WDR64: variants seen among roughly 807,000 people sequenced by gnomAD.
The protein encoded by WDR64 is WD repeat-containing protein 64.
A neutral mutation model predicts 139.3 loss-of-function variants in WDR64; 112 were observed. The observed-to-expected ratio is 0.80, with a 90% CI of 0.69 to 0.94. The LOEUF (loss-of-function observed/expected upper bound fraction) is 0.94. Ranked by LOEUF, WDR64 falls within the 40% of genes least tolerant of loss-of-function variation. The pLI, the probability that WDR64 is intolerant of heterozygous loss-of-function variation, is 0.00. For missense variants in WDR64, 1,206 were observed against 1,293.1 expected (o/e 0.93, Z 1.03); for synonymous variants, 444 against 437.7 (o/e 1.01, Z -0.18).
intron 10 of WDR64, among the ~76,000 whole-genome samples, chr1:241,736,777 A>C (rs1669343526): frequency 6.6e-6 from 1 of 152,232 alleles, no homozygotes; most frequent in African/African-American, 2.4e-5. Context: ...AAACATAATC[A>C]CATCAATTAA....
chr1:241,674,988 CCTTT>C lies in WDR64; in HGVS notation c.483+244_483+247del, dbSNP rs1420560664. Among the ~76,000 whole-genome samples the C allele has an allele frequency of 2.0e-4, 7 of 35,700 alleles. 2 individuals carry two copies. The highest frequency in any genetic ancestry group is 3.2e-4 in the Non-Finnish European group (4 of 12,406). The allele number at this position is 35,700 out of a possible 152,430, so 23.4% of individuals were successfully genotyped here. A position where few individuals can be genotyped will look rare whatever the true frequency, so the allele number is the denominator to read the frequency against. ...CTTCTTTTTCTTTCCTTCTTTCCTC[CCTTT>C]CTCCCTCCCTCTCTTCCTTCCTTTC... On this transcript the variant is annotated intron_variant, in intron 4 of 27. Transcript: ENST00000437684.
chr1:241,713,257 G>A (rs904335541), intron 9 of WDR64, among the ~76,000 whole-genome samples: 11 of 150,274 alleles, frequency 7.3e-5, no homozygotes, highest in African/African-American at 2.7e-4. Flanking sequence ...GCTGCAGTGA[G>A]CCGTGACTGT....
intron 10 of WDR64, among the ~76,000 whole-genome samples, chr1:241,735,005 T>C (rs1669241716): frequency 6.6e-6 from 1 of 152,184 alleles, no homozygotes. Context: ...AGCATCTAAT[T>C]GGAAGGGAGT....
Position 241,703,307 on chromosome 1 carries a change from C to T in WDR64, c.975-8495C>T, listed in dbSNP as rs556111078. Among the ~76,000 whole-genome samples, 7 of 152,170 alleles carry T rather than the reference C, an allele frequency of 4.6e-5. No homozygotes were observed. The East Asian group carries it at 1.2e-3, about 25-fold the overall frequency. On this transcript the variant is annotated intron_variant, in intron 8 of 27. Coordinates refer to ENST00000437684, the MANE Select transcript of WDR64 (RefSeq NM_001367482.1). This position sits in a 1 kb window ranked among gnomAD's most constrained non-coding sequence, Gnocchi z 5.9. ...CAACCCCTATCGTGTAACACATGCC[C>T]CCTGAAAAAAGTCACCCCTTTACCT...
At chr1:241,661,362 T>C (rs1665826104) in intron 2 of WDR64, among the ~76,000 whole-genome samples, 2 of 151,722 alleles carry the variant, frequency 1.3e-5, no homozygotes, top group Admixed American at 6.6e-5. Context: ...TAAATTATGA[T>C]ATAATAAATT....
Position 241,723,330 on chromosome 1 carries a change from AT to A in WDR64, c.1089del (p.Asn363LysfsTer7). On this transcript the variant is annotated frameshift_variant, in exon 10 of 28. Transcript: ENST00000437684. LOFTEE classifies it high-confidence loss of function. Reference sequence around the variant, plus strand: ...AAGGTCATCCGGTTGTGGCACCCCAATATCAGCACCAAGCCAGTAGGGAAAC... The same window carrying A: ...AAGGTCATCCGGTTGTGGCACCCCAAATCAGCACCAAGCCAGTAGGGAAAC... ...DDKVIRLWHP[N>X]ISTKPVGKLV... 1 of 1,613,990 alleles carries A rather than the reference AT, an allele frequency of 6.2e-7. No individual in the cohort carries two copies. The highest frequency in any genetic ancestry group is 1.1e-5 in the South Asian group (1 of 91,050).
At chr1:241,741,159 G>C (rs774098750) in intron 11 of WDR64, among the ~76,000 whole-genome samples, 17 of 152,148 alleles carry the variant, frequency 1.1e-4, no homozygotes, top group Non-Finnish European at 1.9e-4. Context: ...CACCACTATT[G>C]CTGTGCAACA....
intron 10 of WDR64, among the ~76,000 whole-genome samples, chr1:241,725,624 G>C (rs1668794907): frequency 6.6e-6 from 1 of 152,166 alleles, no homozygotes; most frequent in Admixed American, 6.5e-5. Flanking sequence ...CCAGGCTAGA[G>C]AGGAAAATGC....
chr1:241,719,901 C>T (rs748319618), intron 9 of WDR64, among the ~76,000 whole-genome samples: 1 of 152,076 alleles, frequency 6.6e-6, no homozygotes, highest in Non-Finnish European at 1.5e-5. Flanking sequence ...ACAGATCAAC[C>T]TATCACCTGG....
At chr1:241,702,521 G>GA (rs11338254) in intron 8 of WDR64, among the ~76,000 whole-genome samples, 3,816 of 141,976 alleles carry the variant, frequency 0.027, 127 homozygotes, top group African/African-American at 0.084. Flanking sequence ...AAATTTAAAG[G>GA]AAAAAAAAAA....
intron 10 of WDR64, among the ~76,000 whole-genome samples, chr1:241,727,312 T>C: frequency 6.6e-6 from 1 of 152,336 alleles, no homozygotes; most frequent in African/African-American, 2.4e-5. Context: ...AAATAAGATA[T>C]CTTTCTAGCA....
At chr1:241,665,754 T>G (rs1426350427) in intron 2 of WDR64, among the ~76,000 whole-genome samples, 1 of 152,200 alleles carries the variant, frequency 6.6e-6, no homozygotes, top group Non-Finnish European at 1.5e-5. Context: ...CTACTTTTCT[T>G]ACAATGTCAT....
chr1:241,776,610 TATCA>T (rs1416996636), intron 21 of WDR64, among the ~76,000 whole-genome samples: 2 of 152,216 alleles, frequency 1.3e-5, no homozygotes, highest in African/African-American at 4.8e-5. Flanking sequence ...TTCGCTTATC[TATCA>T]ATCTGTATAA....
intron 13 of WDR64, 68 bp downstream of exon 13, chr1:241,744,584 T>C: frequency 1.9e-6 from 3 of 1,597,598 alleles, no homozygotes; most frequent in Non-Finnish European, 2.6e-6. Flanking sequence ...AAAAACTCTT[T>C]CGTTCTTTAG....
chr1:241,746,994 C>T (rs1669784537), intron 13 of WDR64, among the ~76,000 whole-genome samples: 1 of 152,156 alleles, frequency 6.6e-6, no homozygotes, highest in Non-Finnish European at 1.5e-5. Context: ...CTCCTGACCT[C>T]AAATGATCTG....
Position 241,801,646 on chromosome 1 carries a change from T to G in WDR64, c.*431T>G. ...CAAAAAGAATTATTAAAAAGAAAAA[T>G]GTACCAGTCAGATCTCTAGATGTTT... On this transcript the variant is annotated 3_prime_UTR_variant, in exon 28 of 28. Coordinates refer to ENST00000437684, the MANE Select transcript of WDR64 (RefSeq NM_001367482.1). 2.5e-6 allele frequency: 1 copy of G among 399,010 alleles called. No individual in the cohort carries two copies. Among genetic ancestry groups the G allele is most frequent in the Non-Finnish European group, 4.4e-6 (1 of 226,412 alleles). 24.7% of individuals were successfully genotyped at this position (399,010 alleles called of 1,614,324 possible).
chr1:241,721,223 T>A (rs1035751854), intron 9 of WDR64, among the ~76,000 whole-genome samples: 1 of 152,184 alleles, frequency 6.6e-6, no homozygotes, highest in African/African-American at 2.4e-5. Flanking sequence ...TGAAGTGGGA[T>A]AGTGTGATGC....
In WDR64 at chr1:241,691,890, A is replaced by G. The variant is rs530375843; in HGVS notation, c.974+4295A>G. On this transcript the variant is annotated intron_variant, in intron 8 of 27. Coordinates refer to ENST00000437684, the MANE Select transcript of WDR64 (RefSeq NM_001367482.1). ...TAGCCAGGCATGATGGTGGGTGCCT[A>G]TAATCTCAGCTACTTGGGAGACTGA... Among the ~76,000 whole-genome samples the G allele has an allele frequency of 3.9e-5, 6 of 152,170 alleles. No homozygotes were observed. In the South Asian group the frequency reaches 1.2e-3, roughly 32 times the overall value.
chr1:241,683,703 T>C lies in WDR64; in HGVS notation c.839+2T>C, dbSNP rs1574005433. The C allele has an allele frequency of 6.5e-7, 1 of 1,544,140 alleles. No homozygotes were observed. Among genetic ancestry groups the C allele is most frequent in the East Asian group, 2.4e-5 (1 of 40,836 alleles). On this transcript the variant is annotated splice_donor_variant, in intron 7 of 27. Coordinates refer to ENST00000437684, the MANE Select transcript of WDR64 (RefSeq NM_001367482.1). LOFTEE classifies it high-confidence loss of function. ...CTTAGACTCAAAGAACTTTAAAAGG[T>C]AAGAGTATCATACAGTTAATTTAAT...
Sources: gnomAD v4.1 joint callset for allele counts (sites outside exome capture counted in the v4.1 genomes callset) on GRCh38, gnomAD v4.1.1 for gene constraint, Gnocchi (gnomAD v3.1) non-coding constraint, MANE v1.5 for transcripts, NCBI Gene and HGNC (gene_info 2026-07-23, HGNC 2026-07-21) for gene names.